TNIK: variants seen among roughly 807,000 people sequenced by gnomAD.
TNIK encodes the protein TRAF2 and NCK interacting kinase, also known as TRAF2 and NCK-interacting protein kinase.
In TNIK, 49 loss-of-function variants were observed where a neutral mutation model predicts 191.3. The observed-to-expected ratio is 0.26, with a 90% confidence interval of 0.20 to 0.32. The LOEUF (loss-of-function observed/expected upper bound fraction) is 0.32, where lower values mean the gene tolerates loss of function less well. Ranked by LOEUF, TNIK falls within the 10% of genes least tolerant of loss-of-function variation. The pLI, the probability that TNIK is intolerant of heterozygous loss-of-function variation, is 1.00. For synonymous variants in TNIK, 594 were observed against 600.9 expected, an observed-to-expected ratio of 0.99 and a Z score of 0.17; for missense variants, 1,155 against 1,702.3, an observed-to-expected ratio of 0.68 and a Z score of 5.66.
intron 1 of TNIK, among the ~76,000 whole-genome samples, chr3:171,374,134 A>G (rs1333112754): frequency 1.3e-5 from 2 of 152,216 alleles, no homozygotes; most frequent in African/African-American, 4.8e-5. Context: ...ATCACAAAAA[A>G]TGGGATCAGA....
At chr3:171,270,753 T>C (rs1048301537) in intron 2 of TNIK, among the ~76,000 whole-genome samples, 1 of 152,156 alleles carries the variant, frequency 6.6e-6, no homozygotes, top group African/African-American at 2.4e-5. Flanking sequence ...CACTGTCTAG[T>C]TGGATGATTT....
chr3:171,074,981 A>G (rs1466675377), intron 28 of TNIK, among the ~76,000 whole-genome samples: 3 of 152,238 alleles, frequency 2.0e-5, no homozygotes, highest in Non-Finnish European at 4.4e-5. Context: ...AGGACAATGA[A>G]GGGACGGCAA....
chr3:171,098,664 A>G (rs1723045288), intron 22 of TNIK, among the ~76,000 whole-genome samples: 1 of 152,210 alleles, frequency 6.6e-6, no homozygotes, highest in Admixed American at 6.5e-5. Flanking sequence ...GCACTGAGCT[A>G]CAATATATTT....
chr3:171,123,643 A>G lies in TNIK; in HGVS notation c.2073T>C (p.Asn691=), dbSNP rs1475772806. 1.8e-5 allele frequency: 28 copies of G among 1,578,052 alleles called. No individual in the cohort carries two copies. The highest frequency in any genetic ancestry group is 2.2e-5 in the Non-Finnish European group (26 of 1,159,846). Residue 691 remains asparagine (N), a synonymous_variant, in exon 18 of 33, where the codon AAT becomes AAC. Transcript: ENST00000436636. ...CTAGTCTGGGTCCCAGAGCACTACC[A>G]TTCCCAGGAGAATTCTTTCTGGCTA... The part of the protein sequence containing the change: ...PALARKNSPG[N]GSALGPRLGS...
At chr3:171,371,446 TG>T (rs1716477636) in intron 1 of TNIK, among the ~76,000 whole-genome samples, 3 of 152,154 alleles carry the variant, frequency 2.0e-5, no homozygotes, top group Non-Finnish European at 4.4e-5. Context: ...TGAGAAAGAT[TG>T]GAGTTAGCAC....
At chr3:171,371,587 C>T (rs767904378) in intron 1 of TNIK, among the ~76,000 whole-genome samples, 16 of 152,122 alleles carry the variant, frequency 1.1e-4, no homozygotes, top group Non-Finnish European at 2.2e-4. Context: ...CCAGACAGAA[C>T]CACAAAACCG....
At chr3:171,399,241 T>A (rs749777608) in intron 1 of TNIK, among the ~76,000 whole-genome samples, 19 of 152,228 alleles carry the variant, frequency 1.2e-4, no homozygotes, top group Non-Finnish European at 2.1e-4. Context: ...ATTTATGGAT[T>A]CCTGGAGAAA....
intron 1 of TNIK, among the ~76,000 whole-genome samples, chr3:171,431,481 AT>A (rs1304842431): frequency 6.6e-6 from 1 of 152,086 alleles, no homozygotes; most frequent in East Asian, 1.9e-4. Context: ...CTGAGTGAAG[AT>A]TTTACATGTT....
At chr3:171,399,410 A>G (rs553312397) in intron 1 of TNIK, among the ~76,000 whole-genome samples, 2 of 152,336 alleles carry the variant, frequency 1.3e-5, no homozygotes, top group East Asian at 3.9e-4. Flanking sequence ...GGTCCCACCC[A>G]GAAATCCAAC....
chr3:171,436,662 T>C (rs1331473809), intron 1 of TNIK, among the ~76,000 whole-genome samples: 1 of 152,174 alleles, frequency 6.6e-6, no homozygotes, highest in East Asian at 1.9e-4. Context: ...TGAGCCCAAA[T>C]TATTTCATGG....
At position 171,159,625 on chromosome 3, in the gene TNIK, C is replaced by A. The variant is rs1385042675; in HGVS notation, c.1016+1645G>T. 6.6e-6 allele frequency among the ~76,000 whole-genome samples: 1 copy of A among 152,176 alleles called. No individual in the cohort carries two copies. Among genetic ancestry groups the A allele is most frequent in the Non-Finnish European group, 1.5e-5 (1 of 68,026 alleles). On this transcript the variant is annotated intron_variant, in intron 11 of 32. Transcript: ENST00000436636. This position sits in a 1 kb window ranked among gnomAD's most constrained non-coding sequence, Gnocchi z 4.1. ...CCAGCCTCCCATGCACACGAGGATG[C>A]TCCATTAATATTAATTGATATTGAA...
At chr3:171,087,238 A>C in intron 24 of TNIK, 104 bp downstream of exon 24, 1 of 1,504,852 alleles carries the variant, frequency 6.6e-7, no homozygotes, top group South Asian at 1.3e-5. Context: ...CCAACCAAAC[A>C]AGTTTCAAGG....
intron 24 of TNIK, 135 bp from the exon 25 acceptor site, chr3:171,085,364 G>T: frequency 1.3e-6 from 1 of 749,694 alleles, no homozygotes; most frequent in Non-Finnish European, 2.0e-6. Flanking sequence ...TAGTGCTCTA[G>T]TCAGTGCGTG....
intron 3 of TNIK, among the ~76,000 whole-genome samples, chr3:171,215,094 C>T (rs73043066): frequency 0.024 from 3,623 of 152,120 alleles, 134 homozygotes; most frequent in African/African-American, 0.082. Context: ...AGCAGAGGCC[C>T]GAAAAGCACT....
At chr3:171,394,684 T>G (rs1306861070) in intron 1 of TNIK, among the ~76,000 whole-genome samples, 1 of 152,200 alleles carries the variant, frequency 6.6e-6, no homozygotes, top group East Asian at 1.9e-4. Flanking sequence ...GGATTTCAAT[T>G]CTTGTTACTC....
At chr3:171,279,081 T>A (rs144352353) in intron 2 of TNIK, among the ~76,000 whole-genome samples, 1 of 151,894 alleles carries the variant, frequency 6.6e-6, no homozygotes, top group Admixed American at 6.6e-5. Flanking sequence ...GGTATTTGGA[T>A]GAAGAGTTTA....
intron 2 of TNIK, among the ~76,000 whole-genome samples, chr3:171,306,566 C>T (rs1363341583): frequency 6.6e-6 from 1 of 152,090 alleles, no homozygotes; most frequent in African/African-American, 2.4e-5. Context: ...AGAAGAAAAA[C>T]TAAGCAAATG....
At chr3:171,368,616 G>A (rs758741555) in intron 2 of TNIK, among the ~76,000 whole-genome samples, 3 of 152,134 alleles carry the variant, frequency 2.0e-5, no homozygotes, top group Non-Finnish European at 4.4e-5. Flanking sequence ...ATATAAATGT[G>A]TATCCACTTA....
chr3:171,183,301 C>T (rs1196758551), intron 7 of TNIK, among the ~76,000 whole-genome samples: 1 of 152,226 alleles, frequency 6.6e-6, no homozygotes, highest in Non-Finnish European at 1.5e-5. Flanking sequence ...GGACAGCTGA[C>T]TCCTAGCTCC....
Sources: allele counts gnomAD v4.1 joint callset (sites outside exome capture counted in the v4.1 genomes callset), GRCh38; gene constraint gnomAD v4.1.1; non-coding constraint Gnocchi (gnomAD v3.1); transcripts MANE v1.5; gene names NCBI Gene and HGNC (gene_info 2026-07-23, HGNC 2026-07-21).